The following XKR4 variants were observed in gnomAD, a reference collection of about 807,000 sequenced individuals.
The protein encoded by XKR4 is XK related 4.
A neutral mutation model predicts 53.9 loss-of-function variants in XKR4; 12 were observed. The observed-to-expected ratio is 0.22, with a 90% CI of 0.14 to 0.36. The LOEUF (loss-of-function observed/expected upper bound fraction) is 0.36, where lower values mean the gene tolerates loss of function less well. Ranked by LOEUF, XKR4 falls within the 10% of genes least tolerant of loss-of-function variation. XKR4 has a pLI of 1.00. For missense variants in XKR4, 799 were observed against 859.5 expected, an observed-to-expected ratio of 0.93 and a Z score of 0.88; for synonymous variants, 354 against 362.4, an observed-to-expected ratio of 0.98 and a Z score of 0.26.
chr8:55,491,693 G>C (rs138389784), intron 2 of XKR4, among the ~76,000 whole-genome samples: 1 of 151,782 alleles, frequency 6.6e-6, no homozygotes, highest in Non-Finnish European at 1.5e-5. Flanking sequence ...ACAGAGTCTC[G>C]CTGTGTTGCC....
Position 55,110,710 on chromosome 8 carries a change from G to A in XKR4, c.806+7416G>A, listed in dbSNP as rs183954475. Reference sequence around the variant, plus strand: ...TGGTTTTGCTGATAGAATAGTCAGGGTGGAGAAGCTATCTGATAGGTATTT... The same window carrying A: ...TGGTTTTGCTGATAGAATAGTCAGGATGGAGAAGCTATCTGATAGGTATTT... On this transcript the variant is annotated intron_variant, in intron 1 of 2. Transcript: ENST00000327381. Among the ~76,000 whole-genome samples, 52 of 152,298 alleles carry A rather than the reference G, an allele frequency of 3.4e-4. No homozygotes were observed. The South Asian group carries it at 9.9e-3, about 29-fold the overall frequency.
chr8:55,319,450 G>C (rs1178219949), intron 1 of XKR4, among the ~76,000 whole-genome samples: 4 of 152,146 alleles, frequency 2.6e-5, no homozygotes, highest in Admixed American at 2.0e-4. Context: ...AACTCCAAAA[G>C]GTTATTGCAG....
intron 2 of XKR4, chr8:55,450,692 C>T: frequency 1.7e-6 from 1 of 583,872 alleles, no homozygotes; most frequent in East Asian, 4.0e-5. Flanking sequence ...AGAATGTGGG[C>T]TCCCCCGTGG....
intron 1 of XKR4, among the ~76,000 whole-genome samples, chr8:55,131,982 C>G (rs1303600357): frequency 1.3e-5 from 2 of 152,150 alleles, no homozygotes; most frequent in East Asian, 1.9e-4. Context: ...CCTAGAGGAG[C>G]AGTTTCATAT....
intron 1 of XKR4, among the ~76,000 whole-genome samples, chr8:55,349,439 C>A (rs773438367): frequency 4.6e-5 from 7 of 152,190 alleles, no homozygotes; most frequent in Non-Finnish European, 8.8e-5. Context: ...TTCCATCTCT[C>A]AGCCATATCA....
chr8:55,348,931 T>A (rs1224896672), intron 1 of XKR4, among the ~76,000 whole-genome samples: 1 of 151,418 alleles, frequency 6.6e-6, no homozygotes, highest in Non-Finnish European at 1.5e-5. Flanking sequence ...AAAGAGAGAG[T>A]GGTTTCCACA....
At chr8:55,462,323 C>T (rs1483690452) in intron 2 of XKR4, among the ~76,000 whole-genome samples, 2 of 152,204 alleles carry the variant, frequency 1.3e-5, no homozygotes, top group African/African-American at 2.4e-5. Flanking sequence ...CAATATTCAA[C>T]ATTCTTAAAG....
At chr8:55,299,055 C>A (rs1819141261) in intron 1 of XKR4, among the ~76,000 whole-genome samples, 1 of 152,168 alleles carries the variant, frequency 6.6e-6, no homozygotes, top group Non-Finnish European at 1.5e-5. Context: ...GCCTTTCAAA[C>A]AGGGTCCAGC....
chr8:55,531,414 T>C lies in XKR4; in HGVS notation c.*7187T>C, dbSNP rs1157877096. 1 of 152,180 alleles carries C rather than the reference T, an allele frequency of 6.6e-6. No individual in the cohort carries two copies. The highest frequency in any genetic ancestry group is 1.9e-4 in the East Asian group (1 of 5,204). 9.4% of individuals were successfully genotyped at this position (152,180 alleles called of 1,614,324 possible). A position where few individuals can be genotyped will look rare whatever the true frequency, so the allele number is the denominator to read the frequency against. ...TCGCTGTCATATGTGCAGTCTATTATTGACCAAAATGCCATTGTGTGGCAT... is the reference window on the plus strand; with the variant it reads ...TCGCTGTCATATGTGCAGTCTATTACTGACCAAAATGCCATTGTGTGGCAT... On this transcript the variant is annotated 3_prime_UTR_variant, in exon 3 of 3. Transcript: ENST00000327381.
intron 2 of XKR4, among the ~76,000 whole-genome samples, chr8:55,433,146 T>G (rs1805125916): frequency 6.6e-6 from 1 of 152,246 alleles, no homozygotes; most frequent in Admixed American, 6.5e-5. Flanking sequence ...CAAGAATTAT[T>G]TCTTATCATT....
At chr8:55,394,054 G>A (rs1045163995) in intron 2 of XKR4, among the ~76,000 whole-genome samples, 4 of 152,062 alleles carry the variant, frequency 2.6e-5, no homozygotes, top group East Asian at 3.9e-4. Flanking sequence ...GCAATAAATC[G>A]ATGTAAGAAA....
At chr8:55,519,826 T>C (rs750661000) in intron 2 of XKR4, among the ~76,000 whole-genome samples, 5 of 152,218 alleles carry the variant, frequency 3.3e-5, no homozygotes, top group African/African-American at 4.8e-5. Flanking sequence ...GACCATAATG[T>C]ATGCATTTAA....
chr8:55,464,313 T>C (rs1425605718), intron 2 of XKR4, among the ~76,000 whole-genome samples: 1 of 152,174 alleles, frequency 6.6e-6, no homozygotes, highest in East Asian at 1.9e-4. Flanking sequence ...GATGCAAGGC[T>C]GGTTCAACAT....
chr8:55,233,452 G>A (rs1818073559), intron 1 of XKR4, among the ~76,000 whole-genome samples: 1 of 152,026 alleles, frequency 6.6e-6, no homozygotes, highest in Non-Finnish European at 1.5e-5. Context: ...TCAGGTCAGG[G>A]AACAGCACTT....
intron 1 of XKR4, among the ~76,000 whole-genome samples, chr8:55,265,155 C>T (rs1440293781): frequency 6.6e-6 from 1 of 152,218 alleles, no homozygotes; most frequent in Admixed American, 6.5e-5. Context: ...GGTATCACTA[C>T]AAGCAGATGG....
chr8:55,291,340 T>C (rs1182058990), intron 1 of XKR4, among the ~76,000 whole-genome samples: 2 of 152,238 alleles, frequency 1.3e-5, no homozygotes, highest in African/African-American at 4.8e-5. Flanking sequence ...GTTTTGGCTA[T>C]TCTAGTTCCT....
Position 55,523,952 on chromosome 8 carries a change from G to A in XKR4, c.1678G>A (p.Asp560Asn), listed in dbSNP as rs1806842735. 6.2e-7 allele frequency: 1 copy of A among 1,614,140 alleles called. No homozygotes were observed. Reference sequence around the variant, plus strand: ...CAACCGCAGTGTTGTCAGCGACCGCGATCAGAAATTCGCAGAGCGGGATGG... The same window carrying A: ...CAACCGCAGTGTTGTCAGCGACCGCAATCAGAAATTCGCAGAGCGGGATGG... ...SNNRSVVSDRDQKFAERDGCV... is the reference protein window; with the variant it reads ...SNNRSVVSDRNQKFAERDGCV... The change falls in exon 3 of 3, where the codon GAT becomes AAT. Residue 560 changes from aspartate (D) to asparagine (N), a missense_variant. Transcript: ENST00000327381.
chr8:55,475,665 A>T (rs1466845645), intron 2 of XKR4, among the ~76,000 whole-genome samples: 4 of 151,728 alleles, frequency 2.6e-5, no homozygotes, highest in African/African-American at 4.9e-5. Flanking sequence ...GTGCAGTGGC[A>T]TGATCTTGGC....
chr8:55,212,544 C>T (rs1563484409), intron 1 of XKR4, among the ~76,000 whole-genome samples: 1 of 152,168 alleles, frequency 6.6e-6, no homozygotes, highest in Non-Finnish European at 1.5e-5. Context: ...GCATATCCTA[C>T]CATCTATTCC....
Sources: allele counts gnomAD v4.1 joint callset (sites outside exome capture counted in the v4.1 genomes callset), GRCh38; gene constraint gnomAD v4.1.1; transcripts MANE v1.5; gene names NCBI Gene and HGNC (gene_info 2026-07-23, HGNC 2026-07-21).